Variants in FBXO28 observed in about 807,000 individuals in gnomAD.
FBXO28 encodes F-box only protein 28.
A neutral mutation model predicts 38.1 loss-of-function variants in FBXO28; 8 were observed. The observed-to-expected ratio is 0.21, with a 90% confidence interval of 0.12 to 0.38. The LOEUF (loss-of-function observed/expected upper bound fraction) is 0.38, where lower values mean the gene tolerates loss of function less well. Among genes scored for constraint, FBXO28 ranks in the 10% least tolerant of loss-of-function variants. FBXO28 has a pLI of 1.00. For synonymous variants in FBXO28, 168 were observed against 173.8 expected (o/e 0.97, Z 0.26); for missense variants, 345 against 460.6 (o/e 0.75, Z 2.30).
intron 2 of FBXO28, chr1:224,131,157 A>G (rs975823677): frequency 2.0e-5 from 3 of 152,222 alleles, no homozygotes; most frequent in Non-Finnish European, 4.4e-5. Flanking sequence ...TGAAGACTTC[A>G]TATTGTTAAG....
At chr1:224,145,732 G>A (rs1657487445) in intron 3 of FBXO28, among the ~76,000 whole-genome samples, 1 of 152,054 alleles carries the variant, frequency 6.6e-6, no homozygotes, top group Non-Finnish European at 1.5e-5. Flanking sequence ...AGACCAGCCT[G>A]GCCAACATGG....
chr1:224,148,625 G>A (rs1417021338), intron 3 of FBXO28, among the ~76,000 whole-genome samples: 1 of 151,284 alleles, frequency 6.6e-6, no homozygotes, highest in East Asian at 1.9e-4. Flanking sequence ...TCGCACCACC[G>A]CACTCCAGCC....
chr1:224,119,087 A>G (rs1172367009), intron 1 of FBXO28, among the ~76,000 whole-genome samples: 1 of 141,760 alleles, frequency 7.1e-6, no homozygotes, highest in Non-Finnish European at 1.6e-5. Context: ...ACTGCTCTGT[A>G]TTGCTCTATT....
intron 3 of FBXO28, among the ~76,000 whole-genome samples, chr1:224,149,663 A>AT (rs1440164941): frequency 5.1e-4 from 77 of 152,270 alleles, no homozygotes; most frequent in African/African-American, 1.8e-3. Context: ...ACAGTGAAAC[A>AT]TGGTATGATC....
rs1348712028 is a variant in FBXO28, at chr1:224,126,169, G to A, written c.268-4303G>A. On this transcript the variant is annotated intron_variant, in intron 1 of 4. Coordinates refer to ENST00000366862, the MANE Select transcript of FBXO28 (RefSeq NM_015176.4). ...TGTCATGTGAGATCTTCTTAATTGG[G>A]CCTATCTGGTTATTCTTATTCTCAT... 3.3e-5 allele frequency among the ~76,000 whole-genome samples: 5 copies of A among 151,372 alleles called. No individual in the cohort carries two copies. The East Asian group carries it at 9.7e-4, about 29-fold the overall frequency.
At chr1:224,143,748 A>G (rs1340994173) in intron 3 of FBXO28, among the ~76,000 whole-genome samples, 1 of 151,742 alleles carries the variant, frequency 6.6e-6, no homozygotes, top group Non-Finnish European at 1.5e-5. Flanking sequence ...AGGCAGGAGA[A>G]TAGCATGAAC....
rs772433559 is a variant in FBXO28 at position 224,114,387 on chromosome 1, G to C, written c.258G>C (p.Gln86His). 25 of 1,581,844 alleles carry C rather than the reference G, an allele frequency of 1.6e-5. No individual in the cohort carries two copies. The Admixed American group carries it at 3.8e-4, about 24-fold the overall frequency. Residue 86 changes from glutamine (Q) to histidine (H), a missense_variant, in exon 1 of 5, where the codon CAG (glutamine) becomes CAC (histidine). By Grantham distance (24) the Gln-to-His change is conservative (BLOSUM62 0). Transcript: ENST00000366862. ...LSFMSYDEIS[Q>H]LRLVCKRMDL... is the part of the protein sequence containing the mutation. ...TTATGTCCTACGACGAAATTAGCCA[G>C]CTCCGCCTGGTGAGGCCCCCGCAGA...
intron 3 of FBXO28, among the ~76,000 whole-genome samples, chr1:224,135,711 C>T (rs1657165952): frequency 6.6e-6 from 1 of 151,718 alleles, no homozygotes; most frequent in South Asian, 2.1e-4. Flanking sequence ...TGATCAGGCT[C>T]ACGTGTTTGG....
intron 1 of FBXO28, among the ~76,000 whole-genome samples, chr1:224,129,990 A>C (rs1224554607): frequency 1.4e-5 from 2 of 144,834 alleles, no homozygotes; most frequent in African/African-American, 2.5e-5. Flanking sequence ...ACTCCATCTC[A>C]AAAAAAAAAA....
At chr1:224,143,867 C>A (rs942891242) in intron 3 of FBXO28, among the ~76,000 whole-genome samples, 1 of 149,704 alleles carries the variant, frequency 6.7e-6, no homozygotes, top group African/African-American at 2.5e-5. Flanking sequence ...GAATGAATAG[C>A]CAGGCATGGT....
At chr1:224,147,355 A>G (rs1178846657) in intron 3 of FBXO28, among the ~76,000 whole-genome samples, 1 of 150,934 alleles carries the variant, frequency 6.6e-6, no homozygotes, top group African/African-American at 2.4e-5. Flanking sequence ...CCCCGGAGGC[A>G]GAGGTTGCAG....
chr1:224,128,812 A>G (rs915783284), intron 1 of FBXO28, among the ~76,000 whole-genome samples: 1 of 151,818 alleles, frequency 6.6e-6, no homozygotes, highest in Non-Finnish European at 1.5e-5. Flanking sequence ...ATAGACCCCC[A>G]TCTCTACAAA....
chr1:224,117,098 G>C (rs1656658743), intron 1 of FBXO28, among the ~76,000 whole-genome samples: 4 of 151,920 alleles, frequency 2.6e-5, no homozygotes, highest in Admixed American at 2.6e-4. Flanking sequence ...GCTTGAACCT[G>C]GGAGGCAGGG....
chr1:224,120,057 A>C lies in FBXO28; in HGVS notation c.267+5661A>C, dbSNP rs530293214. Among the ~76,000 whole-genome samples the C allele has an allele frequency of 3.9e-5, 6 of 152,352 alleles. No homozygotes were observed. In the South Asian group the frequency reaches 1.0e-3, roughly 26 times the overall value. The stretch of plus-strand genomic sequence containing the variant: ...TCATCATCATTTCTTAAAAGACACC[A>C]GATATATCTGCATACCTTGATAAAC... On this transcript the variant is annotated intron_variant, in intron 1 of 4. Coordinates refer to ENST00000366862, the MANE Select transcript of FBXO28 (RefSeq NM_015176.4).
chr1:224,155,193 TCTCA>T (rs1354486835), intron 4 of FBXO28, among the ~76,000 whole-genome samples: 1 of 151,802 alleles, frequency 6.6e-6, no homozygotes, highest in Non-Finnish European at 1.5e-5. Flanking sequence ...TGAGATGGAG[TCTCA>T]CTCTGTCGCC....
intron 1 of FBXO28, among the ~76,000 whole-genome samples, chr1:224,118,152 C>T (rs1172854525): frequency 6.6e-6 from 1 of 151,790 alleles, no homozygotes; most frequent in African/African-American, 2.4e-5. Flanking sequence ...TCCATGTTGC[C>T]CAGGCTGGTC....
chr1:224,140,759 A>T (rs1323687248), intron 3 of FBXO28, among the ~76,000 whole-genome samples: 4 of 152,086 alleles, frequency 2.6e-5, no homozygotes, highest in Non-Finnish European at 5.9e-5. Flanking sequence ...AGCCTAGCCA[A>T]CATGGTGAAA....
At chr1:224,138,228 A>C (rs952047800) in intron 3 of FBXO28, among the ~76,000 whole-genome samples, 6 of 147,010 alleles carry the variant, frequency 4.1e-5, no homozygotes, top group Non-Finnish European at 8.9e-5. Context: ...ACCCTGCCAC[A>C]AAAAAAAAGA....
At chr1:224,144,153 CAA>C (rs34850766) in intron 3 of FBXO28, among the ~76,000 whole-genome samples, 4 of 136,998 alleles carry the variant, frequency 2.9e-5, no homozygotes, top group African/African-American at 2.7e-5. Context: ...AACTATGTCT[CAA>C]AAAAAAAAAA....
Sources: allele counts gnomAD v4.1 joint callset (sites outside exome capture counted in the v4.1 genomes callset), GRCh38; gene constraint gnomAD v4.1.1; transcripts MANE v1.5; gene names NCBI Gene and HGNC (gene_info 2026-07-23, HGNC 2026-07-21).